Variants in SLC4A10 observed in about 807,000 individuals in gnomAD.
SLC4A10 encodes the protein sodium-driven chloride bicarbonate exchanger.
A neutral mutation model predicts 137.7 loss-of-function variants in SLC4A10; 42 were observed. The observed-to-expected ratio is 0.30, with a 90% CI of 0.24 to 0.39. The LOEUF (loss-of-function observed/expected upper bound fraction) is 0.39. Ranked by LOEUF, SLC4A10 falls within the 10% of genes least tolerant of loss-of-function variation. The pLI, the probability that SLC4A10 is intolerant of heterozygous loss-of-function variation, is 1.00. For synonymous variants in SLC4A10, 474 were observed against 464.1 expected (o/e 1.02, Z -0.27); for missense variants, 925 against 1,355.0 (o/e 0.68, Z 4.98).
intron 1 of SLC4A10, among the ~76,000 whole-genome samples, chr2:161,760,489 C>T (rs77519057): frequency 0.028 from 4,306 of 152,102 alleles, 192 homozygotes; most frequent in African/African-American, 0.098. Context: ...TTAAGGAGAA[C>T]CAAATCACTA....
At chr2:161,667,142 C>T (rs1268742930) in intron 1 of SLC4A10, among the ~76,000 whole-genome samples, 5 of 151,560 alleles carry the variant, frequency 3.3e-5, no homozygotes, top group Admixed American at 2.0e-4. Context: ...GAGATATAAT[C>T]GAGCTGAGAA....
intron 1 of SLC4A10, among the ~76,000 whole-genome samples, chr2:161,756,247 G>T (rs73005135): frequency 0.025 from 3,776 of 152,032 alleles, 122 homozygotes; most frequent in African/African-American, 0.075. Context: ...TACAAATATG[G>T]ATATTGTAAA....
chr2:161,817,822 C>T (rs369886588), intron 3 of SLC4A10, among the ~76,000 whole-genome samples: 9,434 of 151,056 alleles, frequency 0.062, 339 homozygotes, highest in East Asian at 0.14. Context: ...GGGCTCTGTT[C>T]TGTTCCATTG....
intron 1 of SLC4A10, among the ~76,000 whole-genome samples, chr2:161,752,722 A>G (rs1024936141): frequency 2.6e-5 from 4 of 152,166 alleles, no homozygotes; most frequent in African/African-American, 7.2e-5. Flanking sequence ...GCACAGAAAT[A>G]CAAGTACTGC....
chr2:161,734,113 A>G (rs1047326974), intron 1 of SLC4A10, among the ~76,000 whole-genome samples: 10 of 152,156 alleles, frequency 6.6e-5, no homozygotes, highest in Non-Finnish European at 1.3e-4. Context: ...TTTTGGGTTA[A>G]TGCTGAAATG....
At chr2:161,907,917 A>G (rs1391163378) in intron 15 of SLC4A10, among the ~76,000 whole-genome samples, 1 of 152,336 alleles carries the variant, frequency 6.6e-6, no homozygotes, top group East Asian at 1.9e-4. Flanking sequence ...AGGTAAAATC[A>G]GAACTATTCT....
chr2:161,657,962 G>C (rs2037772165), intron 1 of SLC4A10, among the ~76,000 whole-genome samples: 1 of 152,094 alleles, frequency 6.6e-6, no homozygotes, highest in Non-Finnish European at 1.5e-5. Context: ...ACAATCTTCA[G>C]GGCAATGACA....
intron 4 of SLC4A10, among the ~76,000 whole-genome samples, chr2:161,852,614 G>A (rs1425241163): frequency 1.3e-5 from 2 of 152,150 alleles, no homozygotes; most frequent in Non-Finnish European, 2.9e-5. Flanking sequence ...ACTTAAGATT[G>A]GCTCCAGACA....
intron 1 of SLC4A10, among the ~76,000 whole-genome samples, chr2:161,669,980 T>G (rs1669931159): frequency 6.6e-6 from 1 of 152,112 alleles, no homozygotes; most frequent in African/African-American, 2.4e-5. Flanking sequence ...AAAATCATGG[T>G]TCCATTGCCT....
At chr2:161,874,522 T>G (rs2125934071) in intron 8 of SLC4A10, among the ~76,000 whole-genome samples, 1 of 152,334 alleles carries the variant, frequency 6.6e-6, no homozygotes, top group South Asian at 2.1e-4. Flanking sequence ...TGGTCCCCCC[T>G]CAAACAGTTA....
At chr2:161,757,242 C>A (rs912548815) in intron 1 of SLC4A10, among the ~76,000 whole-genome samples, 3 of 152,082 alleles carry the variant, frequency 2.0e-5, no homozygotes, top group South Asian at 2.1e-4. Flanking sequence ...TGCCCATGTA[C>A]CCTCTATATC....
At position 161,837,127 on chromosome 2, in the gene SLC4A10, A is replaced by G. The variant is rs571715593; in HGVS notation, c.278-2662A>G. Among the ~76,000 whole-genome samples the G allele has an allele frequency of 3.0e-4, 46 of 152,324 alleles. 1 individual carries two copies. The South Asian group carries it at 9.1e-3, about 30-fold the overall frequency. On this transcript the variant is annotated intron_variant, in intron 3 of 26. Coordinates refer to ENST00000446997, the MANE Select transcript of SLC4A10 (RefSeq NM_001178015.2). ...AATTCTAGCCAGTATAATAATAAAT[A>G]AATAAATAGAGAAAGAGCTTGGAAA...
intron 2 of SLC4A10, among the ~76,000 whole-genome samples, chr2:161,771,442 T>A (rs183015691): frequency 6.6e-6 from 1 of 151,952 alleles, no homozygotes; most frequent in East Asian, 1.9e-4. Context: ...GCCTATGTTG[T>A]CAGAGGTATA....
rs1694696734 is a variant in SLC4A10 at position 161,950,962 on chromosome 2, T to G, written c.2541+114T>G. On this transcript the variant is annotated intron_variant, in intron 19 of 26. Coordinates refer to ENST00000446997, the MANE Select transcript of SLC4A10 (RefSeq NM_001178015.2). ...GCACAGTGAAATATATAAAATAATGTTTTTAGATGTATAATTTTTATTGTC... is the reference window on the plus strand; with the variant it reads ...GCACAGTGAAATATATAAAATAATGGTTTTAGATGTATAATTTTTATTGTC... The G allele has an allele frequency of 8.2e-6, 7 of 852,996 alleles. No homozygotes were observed. The East Asian group carries it at 2.1e-4, about 25-fold the overall frequency. The allele number at this position is 852,996 out of a possible 1,614,324, so 52.8% of individuals were successfully genotyped here. A position where few individuals can be genotyped will look rare whatever the true frequency, so the allele number is the denominator to read the frequency against.
At chr2:161,864,984 C>G (rs1436780813) in intron 6 of SLC4A10, among the ~76,000 whole-genome samples, 2 of 152,126 alleles carry the variant, frequency 1.3e-5, no homozygotes, top group Non-Finnish European at 2.9e-5. Context: ...AGAATGCATG[C>G]AGATTTTATA....
chr2:161,795,808 A>G (rs1273944100), intron 2 of SLC4A10, among the ~76,000 whole-genome samples: 2 of 152,156 alleles, frequency 1.3e-5, no homozygotes, highest in Non-Finnish European at 2.9e-5. Context: ...AGCATAGTAG[A>G]TGGTACATTG....
chr2:161,744,242 G>A (rs2048193430), intron 1 of SLC4A10, among the ~76,000 whole-genome samples: 2 of 151,988 alleles, frequency 1.3e-5, no homozygotes, highest in African/African-American at 2.4e-5. Context: ...TTTTCCCCAT[G>A]TAGTATGATA....
chr2:161,830,895 G>C (rs916035487), intron 3 of SLC4A10, among the ~76,000 whole-genome samples: 1 of 152,112 alleles, frequency 6.6e-6, no homozygotes, highest in African/African-American at 2.4e-5. Flanking sequence ...TATAAGTTAG[G>C]ATAGCAGGGG....
intron 1 of SLC4A10, among the ~76,000 whole-genome samples, chr2:161,697,247 C>A (rs952391798): frequency 1.3e-5 from 2 of 152,010 alleles, no homozygotes; most frequent in Non-Finnish European, 2.9e-5. Flanking sequence ...TTCTCCCATT[C>A]TGTAGGTTGC....
Sources: allele counts gnomAD v4.1 joint callset (sites outside exome capture counted in the v4.1 genomes callset), GRCh38; gene constraint gnomAD v4.1.1; transcripts MANE v1.5; gene names NCBI Gene and HGNC (gene_info 2026-07-23, HGNC 2026-07-21).